Variants in PHLPP1 observed in about 807,000 individuals in gnomAD.
PHLPP1 encodes PH domain and leucine rich repeat protein phosphatase 1.
A neutral mutation model predicts 117.2 loss-of-function variants in PHLPP1; 42 were observed. The ratio of observed to expected loss-of-function variants is 0.36; its 90% CI spans 0.28 to 0.46. The LOEUF (loss-of-function observed/expected upper bound fraction) is 0.46, where lower values mean the gene tolerates loss of function less well. PHLPP1 is among the 20% of genes least tolerant of loss of function. The probability of loss-of-function intolerance (pLI) is 1.00; values close to 1 mark genes in which losing one functional copy is unlikely to be tolerated. For synonymous variants in PHLPP1, 1,042 were observed against 970.7 expected (o/e 1.07, Z -1.37); for missense variants, 2,084 against 2,241.9 (o/e 0.93, Z 1.42).
intron 1 of PHLPP1, among the ~76,000 whole-genome samples, chr18:62,807,423 G>A (rs968073921): frequency 2.0e-5 from 3 of 152,122 alleles, no homozygotes; most frequent in East Asian, 1.9e-4. Context: ...ATGATTTCTT[G>A]GGGAGAAGCA....
chr18:62,756,808 C>T (rs954211360), intron 1 of PHLPP1, among the ~76,000 whole-genome samples: 1 of 152,310 alleles, frequency 6.6e-6, no homozygotes, highest in South Asian at 2.1e-4. Context: ...ATGAGAATCT[C>T]TTTGTTGGAG....
chr18:62,826,556 A>G (rs1445231115), intron 1 of PHLPP1, among the ~76,000 whole-genome samples: 1 of 152,218 alleles, frequency 6.6e-6, no homozygotes, highest in African/African-American at 2.4e-5. Context: ...TTTGGCGCAG[A>G]GAACATTTTC....
At chr18:62,752,279 T>A (rs1261967689) in intron 1 of PHLPP1, among the ~76,000 whole-genome samples, 1 of 152,148 alleles carries the variant, frequency 6.6e-6, no homozygotes, top group African/African-American at 2.4e-5. Flanking sequence ...GAATAGCTCT[T>A]AAGGTTGTGT....
At chr18:62,936,790 G>GAAGAAATAATAAGATA (rs1909981689) in intron 10 of PHLPP1, among the ~76,000 whole-genome samples, 1 of 152,222 alleles carries the variant, frequency 6.6e-6, no homozygotes, top group African/African-American at 2.4e-5. Context: ...TAATAAGACT[G>GAAGAAATAATAAGATA]ATTGGAGAAG....
chr18:62,762,284 G>A (rs1441886895), intron 1 of PHLPP1, among the ~76,000 whole-genome samples: 4 of 150,096 alleles, frequency 2.7e-5, no homozygotes, highest in South Asian at 2.1e-4. Context: ...AATAATTATC[G>A]GCTGACACTG....
intron 10 of PHLPP1, among the ~76,000 whole-genome samples, chr18:62,940,336 T>C (rs1910092025): frequency 1.3e-5 from 2 of 148,556 alleles, no homozygotes; most frequent in Non-Finnish European, 3.0e-5. Context: ...TTTATCCACG[T>C]TTCTTTTTCT....
At position 62,963,375 on chromosome 18, in the gene PHLPP1, C is replaced by A. The variant is rs1324335048; in HGVS notation, c.3463C>A (p.Arg1155Ser). 5 of 1,609,324 alleles carry A rather than the reference C, an allele frequency of 3.1e-6. No individual in the cohort carries two copies. Among genetic ancestry groups the A allele is most frequent in the Non-Finnish European group, 4.2e-6 (5 of 1,176,622 alleles). ...CCCTGTTTCTCTTGTTAGTAATATC[C>A]GCTGTTTCAAGATTGATCAGCCTTC... ...HKTLELLNNI[R>S]CFKIDQPSTG... Residue 1155 changes from arginine to serine, a missense_variant, in exon 14 of 17, where the codon CGC becomes AGC. Transcript: ENST00000262719.
At chr18:62,957,517 T>C (rs937807302) in intron 12 of PHLPP1, among the ~76,000 whole-genome samples, 1 of 152,172 alleles carries the variant, frequency 6.6e-6, no homozygotes, top group Non-Finnish European at 1.5e-5. Context: ...CAATTTCTTA[T>C]TCAGTTTCTT....
intron 1 of PHLPP1, among the ~76,000 whole-genome samples, chr18:62,781,553 G>T (rs1196320842): frequency 6.6e-6 from 1 of 152,168 alleles, no homozygotes; most frequent in African/African-American, 2.4e-5. Flanking sequence ...ACCTTCACTT[G>T]TGAGAGTCAC....
intron 1 of PHLPP1, among the ~76,000 whole-genome samples, chr18:62,795,901 C>G (rs545158242): frequency 3.3e-5 from 5 of 152,298 alleles, no homozygotes; most frequent in African/African-American, 1.2e-4. Flanking sequence ...CTAAACTGTC[C>G]TGTACACAGC....
At chr18:62,875,671 C>T (rs1009706830) in intron 4 of PHLPP1, among the ~76,000 whole-genome samples, 2 of 151,158 alleles carry the variant, frequency 1.3e-5, no homozygotes, top group Admixed American at 6.6e-5. Context: ...ATGTATTCTT[C>T]GCAAAAGGTA....
At position 62,716,915 on chromosome 18, in the gene PHLPP1, C is replaced by T. The variant is rs1157715581; in HGVS notation, c.1232C>T (p.Ser411Phe). ...CCCCTCCCGCTTCCCCAGACGGCTT[C>T]CTCGCCTCAGCCGCAGCAGAAAGCC... ...AQPLPLPQTA[S>F]SPQPQQKAPR... Residue 411 changes from serine (S) to phenylalanine (F), a missense_variant, in exon 1 of 17, where the codon TCC (serine) becomes TTC (phenylalanine). Around this residue, in one of 2 missense-constraint regions of PHLPP1, gnomAD observed 719 missense variants for 636.0 expected, o/e 1.13. Transcript: ENST00000262719. The surrounding 1 kb of genome is among the most constrained non-coding windows in gnomAD (Gnocchi z 5.7). The T allele has an allele frequency of 3.9e-6, 6 of 1,533,282 alleles. No individual in the cohort carries two copies. The highest frequency in any genetic ancestry group is 2.5e-5 in the East Asian group (1 of 40,456). The allele number at this position is 1,533,282 out of a possible 1,614,324, so 95.0% of individuals were successfully genotyped here. A position where few individuals can be genotyped will look rare whatever the true frequency, so the allele number is the denominator to read the frequency against.
At chr18:62,890,392 G>A (rs1599104644) in intron 4 of PHLPP1, among the ~76,000 whole-genome samples, 1 of 151,874 alleles carries the variant, frequency 6.6e-6, no homozygotes. Context: ...TCAGCCTGCC[G>A]AGTAGCTGGA....
intron 3 of PHLPP1, among the ~76,000 whole-genome samples, chr18:62,851,710 C>T (rs1233781881): frequency 1.3e-5 from 2 of 152,130 alleles, no homozygotes; most frequent in East Asian, 1.9e-4. Flanking sequence ...CTGCCTGCCT[C>T]GGCCTCCCAA....
At chr18:62,777,177 A>G (rs1311156463) in intron 1 of PHLPP1, among the ~76,000 whole-genome samples, 2 of 152,220 alleles carry the variant, frequency 1.3e-5, no homozygotes, top group Non-Finnish European at 2.9e-5. Flanking sequence ...CAGTGTTTGA[A>G]AGTTCCAAAT....
chr18:62,808,124 G>A (rs1311756644), intron 1 of PHLPP1, among the ~76,000 whole-genome samples: 6 of 152,158 alleles, frequency 3.9e-5, no homozygotes, highest in Non-Finnish European at 7.3e-5. Flanking sequence ...GGTCTGGGGT[G>A]TGTGAGAGAG....
intron 1 of PHLPP1, among the ~76,000 whole-genome samples, chr18:62,829,479 T>A (rs535277401): frequency 6.6e-6 from 1 of 152,216 alleles, no homozygotes; most frequent in South Asian, 2.1e-4. Context: ...AACCCAGGCG[T>A]GGTGGCTCAC....
chr18:62,925,376 T>C (rs1909596511), intron 10 of PHLPP1, among the ~76,000 whole-genome samples: 1 of 152,164 alleles, frequency 6.6e-6, no homozygotes, highest in Admixed American at 6.5e-5. Flanking sequence ...TTTTTATTCC[T>C]GGGTGGACTA....
intron 1 of PHLPP1, among the ~76,000 whole-genome samples, chr18:62,728,564 C>T (rs554847418): frequency 6.7e-6 from 1 of 149,362 alleles, no homozygotes; most frequent in East Asian, 2.0e-4. Flanking sequence ...AGTGCAGTGG[C>T]GCGATCTTGG....
Sources: allele counts gnomAD v4.1 joint callset (sites outside exome capture counted in the v4.1 genomes callset), GRCh38; gene constraint gnomAD v4.1.1; regional missense constraint gnomAD v4.1.1; non-coding constraint Gnocchi (gnomAD v3.1); transcripts MANE v1.5; gene names NCBI Gene and HGNC (gene_info 2026-07-23, HGNC 2026-07-21).